SORBS2: variants seen among roughly 807,000 people sequenced by gnomAD.
SORBS2 encodes the protein sorbin and SH3 domain-containing protein 2.
In SORBS2, 46 loss-of-function variants were observed where a neutral mutation model predicts 97.7. The ratio of observed to expected loss-of-function variants is 0.47; its 90% CI spans 0.37 to 0.60. The LOEUF (loss-of-function observed/expected upper bound fraction) is 0.60, where lower values mean the gene tolerates loss of function less well. Ranked by LOEUF, SORBS2 falls within the 20% of genes least tolerant of loss-of-function variation. The pLI, the probability that SORBS2 is intolerant of heterozygous loss-of-function variation, is 0.00. For synonymous variants in SORBS2, 476 were observed against 473.4 expected (o/e 1.01, Z -0.07); for missense variants, 1,316 against 1,282.3 (o/e 1.03, Z -0.40).
intron 2 of SORBS2, among the ~76,000 whole-genome samples, chr4:185,680,685 T>G (rs987209584): frequency 6.6e-6 from 1 of 152,136 alleles, no homozygotes; most frequent in African/African-American, 2.4e-5. Flanking sequence ...GGCTGTGTGT[T>G]AGCGCTGGGG....
chr4:185,679,411 GTCTT>G (rs2097841704), intron 2 of SORBS2, among the ~76,000 whole-genome samples: 1 of 152,114 alleles, frequency 6.6e-6, no homozygotes, highest in Non-Finnish European at 1.5e-5. Context: ...ATGTTCCACT[GTCTT>G]TCAGCTAGTA....
chr4:185,787,671 C>G (rs2099062375), intron 1 of SORBS2, among the ~76,000 whole-genome samples: 1 of 152,176 alleles, frequency 6.6e-6, no homozygotes, highest in South Asian at 2.1e-4. Context: ...TCTGTCTCCA[C>G]CCTATCCTAA....
chr4:185,950,351 G>A (rs576450898), intron 1 of SORBS2, among the ~76,000 whole-genome samples: 1 of 152,240 alleles, frequency 6.6e-6, no homozygotes, highest in East Asian at 1.9e-4. Context: ...AGTAATCCCA[G>A]ACCTGAAGAA....
intron 1 of SORBS2, among the ~76,000 whole-genome samples, chr4:185,882,944 T>A (rs2099237584): frequency 1.3e-5 from 2 of 152,042 alleles, no homozygotes; most frequent in Admixed American, 6.6e-5. Flanking sequence ...CTTAAAAATA[T>A]AAAACTTAAA....
At chr4:185,639,377 A>G (rs975379791) in intron 4 of SORBS2, among the ~76,000 whole-genome samples, 10 of 152,208 alleles carry the variant, frequency 6.6e-5, no homozygotes, top group Non-Finnish European at 7.3e-5. Flanking sequence ...AGAAAAAGCC[A>G]GTTTTATAAT....
intron 1 of SORBS2, among the ~76,000 whole-genome samples, chr4:185,857,465 A>G (rs2099221156): frequency 2.0e-5 from 3 of 152,242 alleles, no homozygotes; most frequent in African/African-American, 7.2e-5. Flanking sequence ...TTTGAACAAT[A>G]TGAAATCTGA....
At chr4:185,619,934 T>C (rs894324035) in intron 8 of SORBS2, 129 bp downstream of exon 20, 2 of 718,066 alleles carry the variant, frequency 2.8e-6, no homozygotes, top group Admixed American at 3.7e-5. Context: ...CAAGGAAAAT[T>C]GTTTCTAGTT....
chr4:185,819,449 T>A (rs6552926), intron 1 of SORBS2, among the ~76,000 whole-genome samples: 2 of 151,976 alleles, frequency 1.3e-5, no homozygotes, highest in African/African-American at 4.8e-5. Flanking sequence ...CTTCTGCTGA[T>A]ATCTCATTGC....
intron 1 of SORBS2, among the ~76,000 whole-genome samples, chr4:185,818,485 A>G (rs28667707): frequency 0.87 from 131,651 of 152,134 alleles, 57,216 homozygotes; most frequent in East Asian, 0.96. Flanking sequence ...CACCGTGCCC[A>G]GCAGCCTATA....
intron 1 of SORBS2, among the ~76,000 whole-genome samples, chr4:185,937,415 A>G (rs568868703): frequency 2.0e-5 from 3 of 152,206 alleles, no homozygotes; most frequent in African/African-American, 4.8e-5. Context: ...TTAGCCATGT[A>G]TCTGAATCCA....
exon 15 of SORBS2, chr4:185,586,146 T>TCA (rs72521176): frequency 0.048 from 294 of 6,064 alleles, 1 homozygote; most frequent in Middle Eastern, 0.12. Context: ...AAAAGATCAA[T>TCA]ATCACTGTCC....
intron 1 of SORBS2, among the ~76,000 whole-genome samples, chr4:185,872,772 C>A (rs1190205026): frequency 2.0e-5 from 3 of 152,220 alleles, no homozygotes; most frequent in Admixed American, 1.3e-4. Flanking sequence ...GAGCTTCCAT[C>A]TTGTCCCACA....
intron 1 of SORBS2, among the ~76,000 whole-genome samples, chr4:185,904,826 C>T (rs927473565): frequency 1.3e-4 from 20 of 152,260 alleles, no homozygotes; most frequent in Middle Eastern, 3.4e-3. Flanking sequence ...AGAAATAGGC[C>T]GGGCGCAGTG....
chr4:185,671,637 A>G (rs527393421), intron 4 of SORBS2, among the ~76,000 whole-genome samples: 1 of 152,246 alleles, frequency 6.6e-6, no homozygotes, highest in South Asian at 2.1e-4. Flanking sequence ...AGGAACAGGA[A>G]TGCTCTGCAC....
chr4:185,901,935 C>T (rs2099248003), intron 1 of SORBS2, among the ~76,000 whole-genome samples: 1 of 152,158 alleles, frequency 6.6e-6, no homozygotes, highest in Admixed American at 6.5e-5. Flanking sequence ...TTTAATTTAA[C>T]TTAATTTCTG....
chr4:185,890,540 G>T (rs2099241944), intron 1 of SORBS2, among the ~76,000 whole-genome samples: 1 of 152,104 alleles, frequency 6.6e-6, no homozygotes, highest in Non-Finnish European at 1.5e-5. Flanking sequence ...AATCTTTAAG[G>T]CCGCCTCCAC....
rs2096455084 is a variant in SORBS2, at chr4:185,607,595, T to C, written c.2796+4185A>G. Among the ~76,000 whole-genome samples the C allele has an allele frequency of 6.6e-6, 1 of 152,222 alleles. No individual in the cohort carries two copies. The highest frequency in any genetic ancestry group is 6.5e-5 in the Admixed American group (1 of 15,288). ...AGTTACTTCACAAATGAAACTCTAC[T>C]AGTTTTGGAAGGGGTCTTAAATGTC... On this transcript the variant is annotated intron_variant, in intron 12 of 14. Transcript: ENST00000418609. The surrounding 1 kb of genome is among the most constrained non-coding windows in gnomAD (Gnocchi z 5.2).
intron 2 of SORBS2, among the ~76,000 whole-genome samples, chr4:185,734,604 T>C (rs2098670259): frequency 6.6e-6 from 1 of 152,296 alleles, no homozygotes; most frequent in South Asian, 2.1e-4. Flanking sequence ...GCAAAGGCCA[T>C]AGTGTTAATA....
chr4:185,900,384 G>A (rs143019843), intron 1 of SORBS2, among the ~76,000 whole-genome samples: 329 of 152,282 alleles, frequency 2.2e-3, no homozygotes, highest in African/African-American at 7.6e-3. Context: ...ACAAGTCCCA[G>A]TTCTCTTATC....
Sources: gnomAD v4.1 joint callset for allele counts (sites outside exome capture counted in the v4.1 genomes callset) on GRCh38, gnomAD v4.1.1 for gene constraint, Gnocchi (gnomAD v3.1) non-coding constraint, MANE v1.5 for transcripts, NCBI Gene and HGNC (gene_info 2026-07-23, HGNC 2026-07-21) for gene names.